The following TBC1D7 variants were observed in gnomAD, a reference collection of about 807,000 sequenced individuals.
TBC1D7 encodes the protein TBC domain family 7.
In TBC1D7, 33 loss-of-function variants were observed where a neutral mutation model predicts 35.3. That is an observed-to-expected ratio of 0.93 (90% confidence interval 0.71 to 1.25). TBC1D7 has a LOEUF of 1.25. Among genes scored for constraint, TBC1D7 ranks in the 50% most tolerant of loss-of-function variants. The probability of loss-of-function intolerance (pLI) is 0.00; values close to 1 mark genes in which losing one functional copy is unlikely to be tolerated. For synonymous variants in TBC1D7, 135 were observed against 129.5 expected (o/e 1.04, Z -0.29); for missense variants, 362 against 365.3 (o/e 0.99, Z 0.07).
chr6:13,314,672 C>G (rs1783475097), intron 5 of TBC1D7, among the ~76,000 whole-genome samples: 1 of 152,084 alleles, frequency 6.6e-6, no homozygotes, highest in Non-Finnish European at 1.5e-5. Flanking sequence ...ATAAAAACTG[C>G]TCTTGTAAGT....
At chr6:13,313,806 T>C (rs777585869) in intron 5 of TBC1D7, among the ~76,000 whole-genome samples, 4 of 152,214 alleles carry the variant, frequency 2.6e-5, no homozygotes, top group Admixed American at 6.5e-5. Flanking sequence ...GGAAAGGTGA[T>C]GGTAATTTTT....
intron 3 of TBC1D7, among the ~76,000 whole-genome samples, chr6:13,323,055 A>G (rs976664326): frequency 1.4e-4 from 22 of 152,266 alleles, no homozygotes; most frequent in African/African-American, 5.3e-4. Context: ...TAACTATGAC[A>G]TGATAAAGAA....
intron 5 of TBC1D7, among the ~76,000 whole-genome samples, chr6:13,315,213 C>T (rs1416728059): frequency 6.6e-6 from 1 of 152,208 alleles, no homozygotes; most frequent in South Asian, 2.1e-4. Context: ...TTTCTTCCAC[C>T]TCTGCCAACC....
At position 13,306,395 on chromosome 6, in the gene TBC1D7, T is replaced by C; in HGVS notation, c.795+3A>G. On this transcript the variant is annotated splice_donor_region_variant and intron_variant, in intron 7 of 7. Coordinates refer to ENST00000379300, the MANE Select transcript of TBC1D7 (RefSeq NM_016495.6). Reference sequence around the variant, plus strand: ...ATTCAAAATCAAATCAAAGCACACTTACATTTTCCAGAAACTTTGTTATCT... The same window carrying C: ...ATTCAAAATCAAATCAAAGCACACTCACATTTTCCAGAAACTTTGTTATCT... The C allele has an allele frequency of 6.3e-7, 1 of 1,582,204 alleles. No individual in the cohort carries two copies. The highest frequency in any genetic ancestry group is 8.5e-7 in the Non-Finnish European group (1 of 1,171,250).
intron 3 of TBC1D7, among the ~76,000 whole-genome samples, chr6:13,321,312 T>C (rs1784030227): frequency 6.6e-6 from 1 of 152,202 alleles, no homozygotes; most frequent in African/African-American, 2.4e-5. Context: ...GATGCATCAC[T>C]GATATGAGAG....
At chr6:13,311,965 TTA>T (rs1335558043) in intron 5 of TBC1D7, among the ~76,000 whole-genome samples, 3 of 150,722 alleles carry the variant, frequency 2.0e-5, no homozygotes, top group Admixed American at 6.6e-5. Context: ...AAAAATGTAT[TTA>T]TATATATATA....
chr6:13,319,819 A>C (rs1783900170), intron 4 of TBC1D7: 2 of 152,228 alleles, frequency 1.3e-5, no homozygotes, highest in South Asian at 2.1e-4. Flanking sequence ...AAGTTTAATA[A>C]GGAATAGGAT....
rs1313743582 is a variant in TBC1D7, at chr6:13,325,140, G to T, written c.147C>A (p.Phe49Leu). 1 of 1,613,604 alleles carries T rather than the reference G, an allele frequency of 6.2e-7. No individual in the cohort carries two copies. The highest frequency in any genetic ancestry group is 1.3e-5 in the African/African-American group (1 of 74,896). ...TEKLCTFSQRFPLPSMYRALV... is the reference protein window; with the variant it reads ...TEKLCTFSQRLPLPSMYRALV... ...ATGCACGGTACATGGACGGGAGAGG[G>T]AACCTCTGACTAAAAGTACAAAGTT... is the stretch of plus-strand genomic sequence containing the variant. Residue 49 changes from phenylalanine to leucine, a missense_variant, in exon 3 of 8, where the codon TTC (phenylalanine) becomes TTA (leucine). Phe to Leu is a conservative substitution (Grantham distance 22). Transcript: ENST00000379300.
chr6:13,307,422 T>C (rs1458778979), intron 6 of TBC1D7, 178 bp downstream of exon 6: 8 of 636,248 alleles, frequency 1.3e-5, no homozygotes, highest in Non-Finnish European at 1.9e-5. Context: ...TTAATTTTTC[T>C]AATTGTATAT....
At chr6:13,305,584 A>C (rs9473929) in intron 7 of TBC1D7, 26,915 of 222,664 alleles carry the variant, frequency 0.12, 1,989 homozygotes, top group East Asian at 0.33. Context: ...TTATTCATTT[A>C]TTCAACGCAT....
chr6:13,309,450 T>C (rs1312798751), intron 5 of TBC1D7, among the ~76,000 whole-genome samples: 1 of 152,230 alleles, frequency 6.6e-6, no homozygotes, highest in African/African-American at 2.4e-5. Context: ...TATATAACTG[T>C]TGAGTGAGCA....
intron 3 of TBC1D7, among the ~76,000 whole-genome samples, chr6:13,322,133 C>T (rs956334241): frequency 5.3e-5 from 8 of 151,786 alleles, no homozygotes; most frequent in Non-Finnish European, 1.0e-4. Context: ...CCCAGCTACC[C>T]GGGAGGCTGA....
chr6:13,327,062 C>A, intron 1 of TBC1D7, 156 bp from the exon 2 acceptor site: 1 of 506,734 alleles, frequency 2.0e-6, no homozygotes, highest in Non-Finnish European at 3.5e-6. Flanking sequence ...TAAATTTTTC[C>A]TTTAACTCAG....
chr6:13,320,554 C>A, intron 4 of TBC1D7: 2 of 569,952 alleles, frequency 3.5e-6, no homozygotes, highest in Non-Finnish European at 3.1e-6. Context: ...TTAGCACCTA[C>A]AATTTTTTAT....
At chr6:13,316,947 A>G (rs1053128478) in intron 4 of TBC1D7, among the ~76,000 whole-genome samples, 7 of 152,056 alleles carry the variant, frequency 4.6e-5, no homozygotes, top group Non-Finnish European at 7.4e-5. Context: ...GTGTACAGAC[A>G]CTCCCCAGCT....
At chr6:13,315,674 G>A (rs1445333826) in intron 5 of TBC1D7, among the ~76,000 whole-genome samples, 1 of 152,214 alleles carries the variant, frequency 6.6e-6, no homozygotes. Flanking sequence ...CCGAGACCAT[G>A]CCATTGCACT....
At chr6:13,321,747 G>C (rs1784057886) in intron 3 of TBC1D7, among the ~76,000 whole-genome samples, 1 of 152,132 alleles carries the variant, frequency 6.6e-6, no homozygotes, top group Admixed American at 6.5e-5. Context: ...CCTCGGACTG[G>C]ATAATACTAG....
intron 6 of TBC1D7, chr6:13,306,758 T>C (rs766134275): frequency 1.0e-5 from 3 of 292,494 alleles, no homozygotes; most frequent in Non-Finnish European, 1.9e-5. Flanking sequence ...TAAAAATTAC[T>C]GCTCCACTAG....
chr6:13,307,600 C>T lies in TBC1D7; in HGVS notation c.665G>A (p.Arg222Lys). 6.2e-7 allele frequency: 1 copy of T among 1,614,060 alleles called. No homozygotes were observed. The highest frequency in any genetic ancestry group is 8.5e-7 in the Non-Finnish European group (1 of 1,179,996). ...ATATGTCTTCGAAAGACCTACTTGC[C>T]TCTGTAAACTGGATTCAGGCAAACA... is the stretch of plus-strand genomic sequence containing the variant. ...AGCLPESSLQ[R>K]VWDKVVSGSC... The change falls in exon 6 of 8, where the codon AGG (arginine) becomes AAG (lysine). Residue 222 changes from arginine to lysine, a missense_variant and splice_region_variant. Coordinates refer to ENST00000379300, the MANE Select transcript of TBC1D7 (RefSeq NM_016495.6).
Sources: gnomAD v4.1 joint callset for allele counts (sites outside exome capture counted in the v4.1 genomes callset) on GRCh38, gnomAD v4.1.1 for gene constraint, MANE v1.5 for transcripts, NCBI Gene and HGNC (gene_info 2026-07-23, HGNC 2026-07-21) for gene names.